ARB2A: variants seen among roughly 807,000 people sequenced by gnomAD.
ARB2A encodes the protein ARB2 cotranscriptional regulator A, also known as cotranscriptional regulator ARB2A.
At chr5:93,621,759 G>C in the ARB2A span, among the ~76,000 whole-genome samples, 3 of 152,310 alleles carry the variant, frequency 2.0e-5, no homozygotes, top group South Asian at 6.2e-4. Flanking sequence ...CAAATCATAC[G>C]GGACGCTTAA....
the ARB2A span, among the ~76,000 whole-genome samples, chr5:94,048,051 C>CTTTTTTTTTTTTTTTTTTTTT: frequency 8.3e-5 from 8 of 96,078 alleles, no homozygotes; most frequent in African/African-American, 2.0e-4. Flanking sequence ...AATCGGTAAG[C>CTTTTTTTTTTTTTTTTTTTTT]TTTTTTTTTT....
the ARB2A span, among the ~76,000 whole-genome samples, chr5:93,763,999 A>C: frequency 6.6e-6 from 1 of 152,198 alleles, no homozygotes; most frequent in Non-Finnish European, 1.5e-5. Context: ...TTTGAAACCA[A>C]AGAGAACAAA....
At chr5:93,928,825 A>G in the ARB2A span, among the ~76,000 whole-genome samples, 2 of 152,098 alleles carry the variant, frequency 1.3e-5, no homozygotes, top group African/African-American at 4.8e-5. Flanking sequence ...ATACACTACC[A>G]ATAAAAACTG....
At chr5:93,928,182 G>A in the ARB2A span, among the ~76,000 whole-genome samples, 3 of 152,048 alleles carry the variant, frequency 2.0e-5, no homozygotes, top group African/African-American at 7.2e-5. Flanking sequence ...CAATCTCATT[G>A]CAATGCTATT....
the ARB2A span, among the ~76,000 whole-genome samples, chr5:93,744,434 C>CAAAAAAAAAAAAAAA: frequency 2.6e-3 from 38 of 14,538 alleles, 9 homozygotes; most frequent in African/African-American, 6.7e-3. Flanking sequence ...GACTCAGTCT[C>CAAAAAAAAAAAAAAA]AAAAAAAAAA....
chr5:93,675,288 C>T, the ARB2A span, among the ~76,000 whole-genome samples: 1 of 152,144 alleles, frequency 6.6e-6, no homozygotes, highest in Non-Finnish European at 1.5e-5. Context: ...ACTACATGTC[C>T]TGGTCCCTGT....
the ARB2A span, among the ~76,000 whole-genome samples, chr5:93,623,790 G>A: frequency 1.3e-5 from 2 of 151,936 alleles, no homozygotes; most frequent in African/African-American, 2.4e-5. Context: ...AGAATGGGGT[G>A]GAAGGGAGAG....
the ARB2A span, among the ~76,000 whole-genome samples, chr5:93,747,801 T>C: frequency 1.3e-5 from 2 of 152,162 alleles, no homozygotes; most frequent in Admixed American, 6.5e-5. Context: ...CTCAGAACTC[T>C]TGGCAGTAAT....
At chr5:94,084,011 G>A in the ARB2A span, among the ~76,000 whole-genome samples, 2 of 151,764 alleles carry the variant, frequency 1.3e-5, no homozygotes, top group African/African-American at 2.4e-5. Flanking sequence ...AGTGGCTCAC[G>A]CCTGTAATCC....
the ARB2A span, among the ~76,000 whole-genome samples, chr5:93,693,679 AAG>A: frequency 6.6e-6 from 1 of 152,338 alleles, no homozygotes; most frequent in Non-Finnish European, 1.5e-5. Context: ...ACAGTAGAAA[AAG>A]AGGGAATCCT....
At chr5:93,853,581 A>G in the ARB2A span, among the ~76,000 whole-genome samples, 1 of 152,102 alleles carries the variant, frequency 6.6e-6, no homozygotes, top group Non-Finnish European at 1.5e-5. Flanking sequence ...TCAGTATGAT[A>G]TTGGCTGTGG....
At chr5:94,058,155 TA>T in the ARB2A span, among the ~76,000 whole-genome samples, 1 of 151,666 alleles carries the variant, frequency 6.6e-6, no homozygotes, top group South Asian at 2.1e-4. Context: ...TATCAAAGAT[TA>T]AAAAAACAAG....
At chr5:94,014,993 C>T in the ARB2A span, among the ~76,000 whole-genome samples, 29 of 151,490 alleles carry the variant, frequency 1.9e-4, no homozygotes, top group South Asian at 5.9e-3. Context: ...GAAATAGTAA[C>T]AGAAAACTTT....
chr5:94,033,054 T>C, the ARB2A span, among the ~76,000 whole-genome samples: 1 of 152,140 alleles, frequency 6.6e-6, no homozygotes, highest in South Asian at 2.1e-4. Context: ...GTTCCTCTCT[T>C]GCTCACTTCT....
the ARB2A span, among the ~76,000 whole-genome samples, chr5:93,932,245 G>A: frequency 6.6e-6 from 1 of 152,084 alleles, no homozygotes; most frequent in East Asian, 1.9e-4. Flanking sequence ...TGAGTCAGTT[G>A]TTAAAATAAC....
chr5:93,958,786 T>C, the ARB2A span: 1 of 1,524,018 alleles, frequency 6.6e-7, no homozygotes, highest in Non-Finnish European at 8.8e-7. Context: ...CAGCCACAGC[T>C]CTTTTAATAA....
At chr5:93,654,500 G>C in the ARB2A span, among the ~76,000 whole-genome samples, 2 of 152,028 alleles carry the variant, frequency 1.3e-5, no homozygotes, top group Non-Finnish European at 1.5e-5. Context: ...CTAGTTGTGG[G>C]AACATCACAT....
chr5:93,779,811 A>G, the ARB2A span, among the ~76,000 whole-genome samples: 1 of 152,296 alleles, frequency 6.6e-6, no homozygotes, highest in Non-Finnish European at 1.5e-5. Flanking sequence ...TGATGATCCT[A>G]TAGATTTTTG....
the ARB2A span, among the ~76,000 whole-genome samples, chr5:93,838,107 T>A: frequency 6.6e-6 from 1 of 152,158 alleles, no homozygotes; most frequent in East Asian, 1.9e-4. Context: ...TGGTATATCC[T>A]AGGTTTTCCT....
Sources: allele counts gnomAD v4.1 joint callset (sites outside exome capture counted in the v4.1 genomes callset), GRCh38; gene constraint gnomAD v4.1.1; transcripts MANE v1.5; gene names NCBI Gene and HGNC (gene_info 2026-07-23, HGNC 2026-07-21).